PHF24: variants seen among roughly 807,000 people sequenced by gnomAD.
PHF24 encodes the protein PHD finger protein 24.
Under a neutral mutation model 42.6 loss-of-function variants are expected in PHF24, and 25 were observed. The observed-to-expected ratio is 0.59, with a 90% CI of 0.43 to 0.82. PHF24 has a LOEUF of 0.82. PHF24 is among the 40% of genes least tolerant of loss of function. PHF24 has a pLI of 0.00. For synonymous variants in PHF24, 185 were observed against 204.8 expected (o/e 0.90, Z 0.83); for missense variants, 470 against 538.1 (o/e 0.87, Z 1.25).
chr9:34,976,593 G>A (rs1221941364), exon 5 of PHF24: 1 of 1,614,174 alleles, frequency 6.2e-7, no homozygotes, highest in South Asian at 1.1e-5. Context: ...CCAAGCGGGG[G>A]GACCGTGACA....
chr9:34,679,990 A>G, the PHF24 span, among the ~76,000 whole-genome samples: 1 of 152,170 alleles, frequency 6.6e-6, no homozygotes, highest in Non-Finnish European at 1.5e-5. Flanking sequence ...GTCAACCTAG[A>G]CCTACACTGT....
At chr9:34,871,975 CTG>C in the PHF24 span, among the ~76,000 whole-genome samples, 2 of 152,150 alleles carry the variant, frequency 1.3e-5, no homozygotes, top group Non-Finnish European at 2.9e-5. Context: ...TTGTGAAGAA[CTG>C]AGATCTTGAC....
the PHF24 span, chr9:34,728,582 G>C: frequency 6.5e-7 from 1 of 1,548,728 alleles, no homozygotes; most frequent in Non-Finnish European, 8.7e-7. Context: ...CAGTGGAAGG[G>C]AGTCAGAGGA....
At chr9:34,882,375 G>A in the PHF24 span, among the ~76,000 whole-genome samples, 6 of 152,110 alleles carry the variant, frequency 3.9e-5, no homozygotes, top group Non-Finnish European at 5.9e-5. Flanking sequence ...CAATCAGGCA[G>A]GAGAAAGAAA....
the PHF24 span, among the ~76,000 whole-genome samples, chr9:34,771,342 A>G: frequency 6.6e-6 from 1 of 152,244 alleles, no homozygotes. Flanking sequence ...TGTACTGAAT[A>G]CTGCAGGCAC....
chr9:34,900,481 C>G, the PHF24 span, among the ~76,000 whole-genome samples: 3 of 152,124 alleles, frequency 2.0e-5, no homozygotes, highest in African/African-American at 7.2e-5. Flanking sequence ...CACCTGTAGT[C>G]TCAGCTACTC....
the PHF24 span, among the ~76,000 whole-genome samples, chr9:34,749,766 C>T: frequency 6.6e-6 from 1 of 151,748 alleles, no homozygotes; most frequent in Non-Finnish European, 1.5e-5. Flanking sequence ...AATGCTCTCC[C>T]TCCCCTTGCC....
chr9:34,832,111 C>T, the PHF24 span, among the ~76,000 whole-genome samples: 5 of 152,208 alleles, frequency 3.3e-5, no homozygotes, highest in East Asian at 1.9e-4. Flanking sequence ...AGATGGGCAA[C>T]GTATTGCTGA....
the PHF24 span, chr9:34,725,850 G>A: frequency 4.5e-6 from 7 of 1,551,766 alleles, no homozygotes; most frequent in Non-Finnish European, 5.2e-6. Context: ...TCCTTCAAGG[G>A]GGGCTTGGGC....
At chr9:34,902,120 A>G in the PHF24 span, among the ~76,000 whole-genome samples, 2 of 152,212 alleles carry the variant, frequency 1.3e-5, no homozygotes, top group African/African-American at 2.4e-5. Context: ...ATAAATAAAC[A>G]TGTAGAAATG....
At chr9:34,952,817 AAT>A (rs1826294881), upstream of PHF24, among the ~76,000 whole-genome samples, 1 of 152,228 alleles carries the variant, frequency 6.6e-6, no homozygotes, top group Non-Finnish European at 1.5e-5. Flanking sequence ...GACATATGCA[AAT>A]ACCTGTGATC....
the PHF24 span, among the ~76,000 whole-genome samples, chr9:34,860,951 G>T: frequency 1.3e-5 from 2 of 152,136 alleles, no homozygotes; most frequent in African/African-American, 4.8e-5. Flanking sequence ...CTGCCTGGGG[G>T]CATCTTGTAG....
At chr9:34,666,023 C>G in the PHF24 span, 1 of 329,802 alleles carries the variant, frequency 3.0e-6, no homozygotes, top group Admixed American at 4.7e-5. Flanking sequence ...AACTCCCGCC[C>G]TCCCTGGCTC....
the PHF24 span, among the ~76,000 whole-genome samples, chr9:34,845,769 TC>T: frequency 9.2e-6 from 1 of 108,392 alleles, no homozygotes; most frequent in African/African-American, 3.7e-5. Context: ...CCCACAACAG[TC>T]CCCAGAGTGT....
chr9:34,971,176 C>A, intron 1 of PHF24, 119 bp from the exon 2 acceptor site: 1 of 1,050,732 alleles, frequency 9.5e-7, no homozygotes, highest in Non-Finnish European at 1.4e-6. Context: ...TCTCCACCCC[C>A]ACCATGTTCT....
At chr9:34,849,031 A>T in the PHF24 span, among the ~76,000 whole-genome samples, 13 of 152,284 alleles carry the variant, frequency 8.5e-5, no homozygotes, top group East Asian at 2.5e-3. Context: ...CTATGTGGTC[A>T]ATTTTGGAAT....
At chr9:34,685,826 A>T in the PHF24 span, among the ~76,000 whole-genome samples, 1 of 152,178 alleles carries the variant, frequency 6.6e-6, no homozygotes, top group Non-Finnish European at 1.5e-5. Flanking sequence ...CTGCTTCTCC[A>T]CATCTGGCCT....
chr9:34,903,122 G>A, the PHF24 span, among the ~76,000 whole-genome samples: 1 of 152,000 alleles, frequency 6.6e-6, no homozygotes, highest in Non-Finnish European at 1.5e-5. Flanking sequence ...AAAATAACTA[G>A]CCCATCACAG....
At chr9:34,976,710 C>T in exon 5 of PHF24, 2 of 1,613,864 alleles carry the variant, frequency 1.2e-6, no homozygotes, top group East Asian at 2.2e-5. Context: ...CCCATGAGTC[C>T]CTCCTGCTTC....
Sources: allele counts gnomAD v4.1 joint callset (sites outside exome capture counted in the v4.1 genomes callset), GRCh38; gene constraint gnomAD v4.1.1; transcripts MANE v1.5; gene names NCBI Gene and HGNC (gene_info 2026-07-23, HGNC 2026-07-21).